The following WDR59 variants were observed in gnomAD, a reference collection of about 807,000 sequenced individuals.
The protein encoded by WDR59 is WD repeat domain 59, also known as GATOR2 complex protein WDR59.
In WDR59, 100 loss-of-function variants were observed where a neutral mutation model predicts 131.2. That is an observed-to-expected ratio of 0.76 (90% CI 0.65 to 0.90). WDR59 has a LOEUF of 0.90. Among genes scored for constraint, WDR59 ranks in the 40% least tolerant of loss-of-function variants. The pLI is 0.00. For missense variants in WDR59, 1,203 were observed against 1,262.2 expected (o/e 0.95, Z 0.71); for synonymous variants, 601 against 466.2 (o/e 1.29, Z -3.72).
chr16:74,969,955 A>G (rs1033894455), intron 1 of WDR59, among the ~76,000 whole-genome samples: 8 of 150,054 alleles, frequency 5.3e-5, no homozygotes, highest in Admixed American at 4.0e-4. Flanking sequence ...ACAGGGTCTC[A>G]ATTTTTTGCC....
intron 18 of WDR59, 69 bp downstream of exon 18, chr16:74,903,878 A>G: frequency 6.5e-7 from 1 of 1,528,396 alleles, no homozygotes; most frequent in Non-Finnish European, 8.8e-7. Context: ...CTGCTGCGCC[A>G]GGCAGGAGAT....
intron 24 of WDR59, 52 bp downstream of exon 24, chr16:74,886,218 G>A (rs909947185): frequency 1.4e-5 from 21 of 1,460,218 alleles, no homozygotes; most frequent in Middle Eastern, 3.7e-4. Context: ...GGAGAAACTG[G>A]AGTCCTGCCT....
chr16:74,935,844 A>G (rs139514844), intron 8 of WDR59, among the ~76,000 whole-genome samples: 51 of 152,148 alleles, frequency 3.4e-4, no homozygotes, highest in African/African-American at 1.2e-3. Context: ...TAAAAACACA[A>G]AAGTTAGCTG....
intron 3 of WDR59, among the ~76,000 whole-genome samples, chr16:74,953,804 A>G (rs958853025): frequency 7.9e-5 from 12 of 151,500 alleles, no homozygotes; most frequent in Non-Finnish European, 1.3e-4. Flanking sequence ...GATCGAGACC[A>G]TCCTGGCTAA....
intron 17 of WDR59, chr16:74,904,376 A>G (rs1257794132): frequency 1.2e-5 from 4 of 337,336 alleles, no homozygotes; most frequent in Non-Finnish European, 2.2e-5. Flanking sequence ...TATCTACTAT[A>G]GTTCTATCAA....
chr16:74,874,880 T>G (rs1387426853), intron 25 of WDR59, among the ~76,000 whole-genome samples: 1 of 152,046 alleles, frequency 6.6e-6, no homozygotes, highest in African/African-American at 2.4e-5. Flanking sequence ...CGTGAGCCAC[T>G]GTGCCCAGCC....
At chr16:74,881,665 G>A (rs939532894) in intron 25 of WDR59, among the ~76,000 whole-genome samples, 1 of 151,914 alleles carries the variant, frequency 6.6e-6, no homozygotes, top group African/African-American at 2.4e-5. Context: ...ACAAGGTCAG[G>A]AGTTCGAGAC....
Position 74,930,273 on chromosome 16 carries a change from C to T in WDR59, c.652-6270G>A, listed in dbSNP as rs567726299. Reference sequence around the variant, plus strand: ...CCAATTTGCCCTAATGTGATTATTACTCATTATATGCCTGTATCAAAATAT... The same window carrying T: ...CCAATTTGCCCTAATGTGATTATTATTCATTATATGCCTGTATCAAAATAT... On this transcript the variant is annotated intron_variant, in intron 8 of 25. Transcript: ENST00000262144. Among the ~76,000 whole-genome samples the T allele has an allele frequency of 1.1e-4, 17 of 152,242 alleles. No individual in the cohort carries two copies. In the South Asian group the frequency reaches 3.3e-3, roughly 30 times the overall value.
intron 9 of WDR59, 121 bp from the exon 10 acceptor site, chr16:74,922,224 C>G: frequency 7.7e-7 from 1 of 1,298,998 alleles, no homozygotes; most frequent in Non-Finnish European, 1.0e-6. Flanking sequence ...AAGGCCCCAA[C>G]TCATCTGGAG....
intron 2 of WDR59, among the ~76,000 whole-genome samples, chr16:74,964,963 C>G (rs1349687447): frequency 1.3e-5 from 2 of 152,024 alleles, no homozygotes; most frequent in African/African-American, 2.4e-5. Flanking sequence ...ACCTGGGAAG[C>G]TGAGGCAGGA....
intron 4 of WDR59, 44 bp from the exon 5 acceptor site, chr16:74,949,842 T>A: frequency 6.3e-7 from 1 of 1,592,864 alleles, no homozygotes; most frequent in Non-Finnish European, 8.6e-7. Flanking sequence ...GGAAAAAAAT[T>A]CAGAGTCCAG....
intron 2 of WDR59, among the ~76,000 whole-genome samples, chr16:74,957,891 G>A (rs1386309667): frequency 6.6e-6 from 1 of 152,026 alleles, no homozygotes; most frequent in African/African-American, 2.4e-5. Flanking sequence ...GAAGATGGAG[G>A]GAGAAGAAGA....
intron 1 of WDR59, among the ~76,000 whole-genome samples, chr16:74,982,045 TCGGAGTTCAAGACCACCTG>T (rs2034450027): frequency 1.4e-5 from 2 of 144,848 alleles, no homozygotes; most frequent in African/African-American, 5.0e-5. Context: ...CACTTGAACC[TCGGAGTTCAAGACCACCTG>T]GGCAAGATAC....
In WDR59 at chr16:74,917,916, A is replaced by G. The variant is rs201245421; in HGVS notation, c.966+13T>C. ...TTCAGGTACATTTCTCCACAATAGC[A>G]CTGCATACATACCCTCTGCATCTGG... is the stretch of plus-strand genomic sequence containing the variant. On this transcript the variant is annotated intron_variant, in intron 11 of 25. Coordinates refer to ENST00000262144, the MANE Select transcript of WDR59 (RefSeq NM_030581.4). 139 of 1,610,414 alleles carry G rather than the reference A, an allele frequency of 8.6e-5. No homozygotes were observed. In the African/African-American group the frequency reaches 1.7e-3, roughly 20 times the overall value.
At chr16:74,976,871 G>A (rs1242286866) in intron 1 of WDR59, among the ~76,000 whole-genome samples, 1 of 152,040 alleles carries the variant, frequency 6.6e-6, no homozygotes, top group Non-Finnish European at 1.5e-5. Context: ...GCCCGGCCTG[G>A]TGGTGTGTGC....
chr16:74,952,217 G>A (rs910333711), intron 3 of WDR59, among the ~76,000 whole-genome samples: 6 of 151,706 alleles, frequency 4.0e-5, no homozygotes, highest in Non-Finnish European at 5.9e-5. Flanking sequence ...CACTTTAAGA[G>A]GCTGCTTGAG....
intron 25 of WDR59, among the ~76,000 whole-genome samples, chr16:74,881,879 AAAAAAAAAG>A (rs1170413208): frequency 1.1e-4 from 17 of 151,534 alleles, no homozygotes; most frequent in Non-Finnish European, 7.4e-5. Context: ...TCTCAAAAAA[AAAAAAAAAG>A]AAAAAAAAGA....
chr16:74,976,011 T>G (rs1025625429), intron 1 of WDR59, among the ~76,000 whole-genome samples: 5 of 152,004 alleles, frequency 3.3e-5, no homozygotes, highest in African/African-American at 9.7e-5. Flanking sequence ...ATATATAAAT[T>G]TATTTAAAAA....
intron 7 of WDR59, among the ~76,000 whole-genome samples, chr16:74,938,577 C>T (rs1383357183): frequency 6.6e-6 from 1 of 152,126 alleles, no homozygotes; most frequent in African/African-American, 2.4e-5. Flanking sequence ...TGCTCTGTCA[C>T]CCAGGTTGGA....
Sources: allele counts gnomAD v4.1 joint callset (sites outside exome capture counted in the v4.1 genomes callset), GRCh38; gene constraint gnomAD v4.1.1; transcripts MANE v1.5; gene names NCBI Gene and HGNC (gene_info 2026-07-23, HGNC 2026-07-21).